The following AGBL1 variants were observed in gnomAD, a reference collection of about 807,000 sequenced individuals.
The protein encoded by AGBL1 is AGBL carboxypeptidase 1, also known as cytosolic carboxypeptidase 4.
In AGBL1, 130 loss-of-function variants were observed where a neutral mutation model predicts 118.9. The observed-to-expected ratio is 1.09, with a 90% confidence interval of 0.95 to 1.26. The LOEUF is 1.26. Ranked by LOEUF, AGBL1 falls within the 50% of genes most tolerant of loss-of-function variation. The pLI is 0.00. For missense variants in AGBL1, 1,584 were observed against 1,298.1 expected (o/e 1.22, Z -3.38); for synonymous variants, 555 against 478.9 (o/e 1.16, Z -2.08).
chr15:86,709,174 A>G (rs1379329396), intron 22 of AGBL1, among the ~76,000 whole-genome samples: 1 of 152,100 alleles, frequency 6.6e-6, no homozygotes, highest in African/African-American at 2.4e-5. Flanking sequence ...CAAAACTTGT[A>G]CTCATCATCT....
At chr15:86,730,961 G>A (rs35974077) in intron 22 of AGBL1, among the ~76,000 whole-genome samples, 16,423 of 151,984 alleles carry the variant, frequency 0.11, 941 homozygotes, top group East Asian at 0.17. Flanking sequence ...CCGAGTAGCT[G>A]GGATTACAGG....
At chr15:86,707,923 G>A (rs915049362) in intron 22 of AGBL1, among the ~76,000 whole-genome samples, 14 of 152,110 alleles carry the variant, frequency 9.2e-5, no homozygotes, top group African/African-American at 3.1e-4. Flanking sequence ...GTTGGAAATG[G>A]AGGGTTAATA....
chr15:86,716,885 C>A (rs768395808), intron 22 of AGBL1, among the ~76,000 whole-genome samples: 5 of 152,256 alleles, frequency 3.3e-5, no homozygotes, highest in Admixed American at 3.3e-4. Context: ...CTACTGGAAC[C>A]CTTGTCCGGC....
chr15:86,268,967 T>A (rs550355191), intron 13 of AGBL1, among the ~76,000 whole-genome samples: 2 of 152,348 alleles, frequency 1.3e-5, no homozygotes, highest in African/African-American at 4.8e-5. Context: ...GCAACATTTT[T>A]AAAAATGAAA....
At chr15:86,518,788 C>T (rs2083152662) in intron 18 of AGBL1, among the ~76,000 whole-genome samples, 1 of 151,668 alleles carries the variant, frequency 6.6e-6, no homozygotes, top group South Asian at 2.1e-4. Flanking sequence ...AACTCTGTAC[C>T]ACCTTCTAAA....
intron 13 of AGBL1, among the ~76,000 whole-genome samples, chr15:86,268,741 G>A (rs1597655573): frequency 6.6e-6 from 1 of 152,192 alleles, no homozygotes; most frequent in Admixed American, 6.5e-5. Flanking sequence ...GGTGAGCCCA[G>A]TGGTTAGAGT....
Position 86,319,387 on chromosome 15 carries a change from A to AT in AGBL1, c.2374+23986dup, listed in dbSNP as rs200942493. ...GTATCTCATTGTAGTTTTAATTGGCATTTTTTTGATAATAAATAAGGTTGA... is the reference window on the plus strand; with the variant it reads ...GTATCTCATTGTAGTTTTAATTGGCATTTTTTTTGATAATAAATAAGGTTGA... On this transcript the variant is annotated intron_variant, in intron 17 of 22. Transcript: ENST00000614907. Among the ~76,000 whole-genome samples, 630 of 152,158 alleles carry AT rather than the reference A, an allele frequency of 4.1e-3. 6 individuals are homozygous for AT. The highest frequency in any genetic ancestry group is 0.014 in the African/African-American group (587 of 41,502).
chr15:86,972,906 C>T (rs1258950636), intron 23 of AGBL1, among the ~76,000 whole-genome samples: 1 of 151,976 alleles, frequency 6.6e-6, no homozygotes, highest in African/African-American at 2.4e-5. Flanking sequence ...AAACTTCACC[C>T]AGAATCAAAT....
chr15:86,701,563 A>G (rs1390059838), intron 22 of AGBL1, among the ~76,000 whole-genome samples: 1 of 152,068 alleles, frequency 6.6e-6, no homozygotes, highest in African/African-American at 2.4e-5. Flanking sequence ...TGTCTCTTGA[A>G]TGGTCTCTAG....
intron 21 of AGBL1, among the ~76,000 whole-genome samples, chr15:86,655,296 G>A (rs375768851): frequency 4.7e-4 from 72 of 152,186 alleles, no homozygotes; most frequent in African/African-American, 1.7e-3. Flanking sequence ...AACAATTGAA[G>A]CGCAGCTGAA....
intron 22 of AGBL1, among the ~76,000 whole-genome samples, chr15:86,676,091 A>T (rs762596253): frequency 6.6e-5 from 10 of 152,120 alleles, no homozygotes; most frequent in Non-Finnish European, 1.3e-4. Flanking sequence ...GACCAAGGGG[A>T]TTGAAGCTAG....
chr15:86,877,086 TA>T (rs2079820700), intron 22 of AGBL1, among the ~76,000 whole-genome samples: 1 of 152,170 alleles, frequency 6.6e-6, no homozygotes, highest in African/African-American at 2.4e-5. Context: ...CAGATCCATA[TA>T]AGATAGGGTA....
intron 22 of AGBL1, among the ~76,000 whole-genome samples, chr15:86,706,170 A>C (rs1446735623): frequency 2.0e-5 from 3 of 152,136 alleles, no homozygotes; most frequent in Non-Finnish European, 4.4e-5. Context: ...ATGCTAAATT[A>C]ACTATATATT....
intron 21 of AGBL1, among the ~76,000 whole-genome samples, chr15:86,584,120 G>T (rs2084212953): frequency 6.6e-6 from 1 of 151,836 alleles, no homozygotes; most frequent in Non-Finnish European, 1.5e-5. Context: ...AATACTTTTT[G>T]CCATTCCCTA....
At chr15:86,701,222 T>G (rs1429264511) in intron 22 of AGBL1, among the ~76,000 whole-genome samples, 1 of 152,094 alleles carries the variant, frequency 6.6e-6, no homozygotes, top group Non-Finnish European at 1.5e-5. Context: ...AATGGAGTAA[T>G]TATCACAGAG....
chr15:86,125,718 C>A (rs1316180936), intron 1 of AGBL1, among the ~76,000 whole-genome samples: 1 of 152,166 alleles, frequency 6.6e-6, no homozygotes, highest in Non-Finnish European at 1.5e-5. Context: ...TATTAGTGTC[C>A]CAGCCATGTG....
rs567903155 is a variant in AGBL1 at position 86,419,247 on chromosome 15, C to T, written c.2555+21701C>T. ...AGAAGGCAAGTGATTTCTGCATTTCCAACCGAGGTACCTAGCTCATCTTCA... is the reference window on the plus strand; with the variant it reads ...AGAAGGCAAGTGATTTCTGCATTTCTAACCGAGGTACCTAGCTCATCTTCA... On this transcript the variant is annotated intron_variant, in intron 18 of 22. Transcript: ENST00000614907. 3.9e-5 allele frequency among the ~76,000 whole-genome samples: 6 copies of T among 151,984 alleles called. No homozygotes were observed. In the East Asian group the frequency reaches 9.7e-4, roughly 25 times the overall value.
Position 86,651,669 on chromosome 15 carries a change from T to G in AGBL1, c.2995-22604T>G, listed in dbSNP as rs143323676. 1.7e-3 allele frequency among the ~76,000 whole-genome samples: 259 copies of G among 152,256 alleles called. 4 individuals are homozygous for G. The East Asian group carries it at 0.021, about 12-fold the overall frequency. The stretch of plus-strand genomic sequence containing the variant: ...TTTTCCCACTCCTCTTTCTTCTCAT[T>G]TTCTTAGTTACATGAAACTTCTTGA... On this transcript the variant is annotated intron_variant, in intron 21 of 22. Transcript: ENST00000614907.
At chr15:86,258,268 A>G (rs1378215186) in intron 9 of AGBL1, among the ~76,000 whole-genome samples, 2 of 152,186 alleles carry the variant, frequency 1.3e-5, no homozygotes, top group African/African-American at 4.8e-5. Context: ...GCTATCCTAT[A>G]CATTATTATG....
Sources: allele counts gnomAD v4.1 joint callset (sites outside exome capture counted in the v4.1 genomes callset), GRCh38; gene constraint gnomAD v4.1.1; transcripts MANE v1.5; gene names NCBI Gene and HGNC (gene_info 2026-07-23, HGNC 2026-07-21).